The following CHMP4C variants were observed in gnomAD, a reference collection of about 807,000 sequenced individuals.
The protein encoded by CHMP4C is SNF7 homolog associated with Alix 3.
In CHMP4C, 28 loss-of-function variants were observed where a neutral mutation model predicts 29.0. That is an observed-to-expected ratio of 0.97 (90% CI 0.72 to 1.32). The LOEUF is 1.32. CHMP4C is among the 40% of genes most tolerant of loss of function. The pLI is 0.00. For synonymous variants in CHMP4C, 106 were observed against 102.4 expected, an observed-to-expected ratio of 1.04 and a Z score of -0.21; for missense variants, 291 against 281.0, an observed-to-expected ratio of 1.04 and a Z score of -0.25.
At chr8:81,757,986 C>G (rs546477969) in intron 3 of CHMP4C, among the ~76,000 whole-genome samples, 156 bp from the exon 4 acceptor site, 1 of 152,238 alleles carries the variant, frequency 6.6e-6, no homozygotes, top group South Asian at 2.1e-4. Flanking sequence ...TTAATCATTG[C>G]TCAGTGTTGC....
At chr8:81,746,218 A>G (rs982288231) in intron 1 of CHMP4C, among the ~76,000 whole-genome samples, 4 of 152,240 alleles carry the variant, frequency 2.6e-5, no homozygotes, top group African/African-American at 9.6e-5. Context: ...TGATCCAGCC[A>G]TGCAGAAGTT....
Position 81,732,460 on chromosome 8 carries a change from C to T in CHMP4C, c.-167C>T, listed in dbSNP as rs1003985623. 3 of 495,518 alleles carry T rather than the reference C, an allele frequency of 6.1e-6. No homozygotes were observed. The highest frequency in any genetic ancestry group is 1.1e-5 in the Non-Finnish European group (3 of 279,460). 30.7% of individuals were successfully genotyped at this position (495,518 alleles called of 1,614,324 possible). On this transcript the variant is annotated 5_prime_UTR_variant, in exon 1 of 5. Transcript: ENST00000297265. ...GGGCCGAACTGGCAGCCAGGAAATG[C>T]CCTGGAGTGTGTGTCACCTGTCCAG...
At chr8:81,748,624 G>A (rs1056779828) in intron 1 of CHMP4C, among the ~76,000 whole-genome samples, 2 of 152,052 alleles carry the variant, frequency 1.3e-5, no homozygotes, top group Non-Finnish European at 2.9e-5. Context: ...TTTGTTATGC[G>A]GTAGTCTCAG....
chr8:81,755,937 C>T (rs1222093294), intron 3 of CHMP4C, among the ~76,000 whole-genome samples: 9 of 152,148 alleles, frequency 5.9e-5, no homozygotes, highest in Admixed American at 5.9e-4. Context: ...TATTAACACA[C>T]ACATTCCATT....
Position 81,758,788 on chromosome 8 carries a change from A to G in CHMP4C, c.*244A>G, listed in dbSNP as rs1809004008. 2.3e-6 allele frequency: 1 copy of G among 429,826 alleles called. No individual in the cohort carries two copies. The highest frequency in any genetic ancestry group is 4.1e-6 in the Non-Finnish European group (1 of 242,524). The allele number at this position is 429,826 out of a possible 1,614,324, so 26.6% of individuals were successfully genotyped here. A position where few individuals can be genotyped will look rare whatever the true frequency, so the allele number is the denominator to read the frequency against. The stretch of plus-strand genomic sequence containing the variant: ...ACTTTGGGAGGCTGAGGCAGTTGAG[A>G]CCAGGAGTTCGAGTCCAGCCTGACC... On this transcript the variant is annotated 3_prime_UTR_variant, in exon 5 of 5. Transcript: ENST00000297265.
In CHMP4C at chr8:81,753,147, CAG is replaced by C. The variant is rs1351399573; in HGVS notation, c.280_281del (p.Glu94SerfsTer10). On this transcript the variant is annotated frameshift_variant, in exon 2 of 5. Transcript: ENST00000297265. LOFTEE classifies it high-confidence loss of function. ...TGGCACACTTTCTACCATTGAGTTC[CAG>C]AGAGAAGCCCTGGAGAACTCACACA... ...IDGTLSTIEF[Q>X]REALENSHTN... 3.1e-6 allele frequency: 5 copies of C among 1,612,678 alleles called. No homozygotes were observed. The Admixed American group carries it at 6.7e-5, about 22-fold the overall frequency.
chr8:81,754,273 C>T (rs1469614456), intron 2 of CHMP4C, among the ~76,000 whole-genome samples: 1 of 152,094 alleles, frequency 6.6e-6, no homozygotes, highest in African/African-American at 2.4e-5. Flanking sequence ...CCTTTCCCTC[C>T]AGGCAGCTTG....
rs979590089 is a variant in CHMP4C, at chr8:81,732,574, C to G, written c.-53C>G. On this transcript the variant is annotated 5_prime_UTR_variant, in exon 1 of 5. Transcript: ENST00000297265. ...CTCACCTGTCCCCTCGGCGCGGCCC[C>G]GGGGAGCTCCCGAGAGGCCCCCGGG... 4 of 1,421,348 alleles carry G rather than the reference C, an allele frequency of 2.8e-6. No homozygotes were observed. The highest frequency in any genetic ancestry group is 2.4e-5 in the Admixed American group (1 of 41,214). 88.0% of individuals were successfully genotyped at this position (1,421,348 alleles called of 1,614,324 possible). A position where few individuals can be genotyped will look rare whatever the true frequency, so the allele number is the denominator to read the frequency against.
At chr8:81,752,742 C>T (rs796507404) in intron 1 of CHMP4C, among the ~76,000 whole-genome samples, 28 of 152,242 alleles carry the variant, frequency 1.8e-4, no homozygotes, top group African/African-American at 6.7e-4. Context: ...GATTTTTACT[C>T]ATATTTTTAT....
At chr8:81,749,219 C>T (rs973046770) in intron 1 of CHMP4C, among the ~76,000 whole-genome samples, 6 of 152,116 alleles carry the variant, frequency 3.9e-5, no homozygotes, top group African/African-American at 1.4e-4. Flanking sequence ...ATCATGCTGT[C>T]CTTGTTCTAT....
rs1809002291 is a variant in CHMP4C, at chr8:81,758,652, A to T, written c.*108A>T. The T allele has an allele frequency of 1.3e-6, 1 of 764,816 alleles. No individual in the cohort carries two copies. Among genetic ancestry groups the T allele is most frequent in the Non-Finnish European group, 2.2e-6 (1 of 455,626 alleles). 47.4% of individuals were successfully genotyped at this position (764,816 alleles called of 1,614,324 possible). A position where few individuals can be genotyped will look rare whatever the true frequency, so the allele number is the denominator to read the frequency against. The stretch of plus-strand genomic sequence containing the variant: ...AAGACTCTGCTTTATAATTATATTG[A>T]ATGAATAATTGTGTTTTAAGCCTCC... On this transcript the variant is annotated 3_prime_UTR_variant, in exon 5 of 5. Coordinates refer to ENST00000297265, the MANE Select transcript of CHMP4C (RefSeq NM_152284.4).
intron 1 of CHMP4C, among the ~76,000 whole-genome samples, chr8:81,742,379 G>C (rs1271545857): frequency 6.6e-6 from 1 of 152,156 alleles, no homozygotes; most frequent in East Asian, 1.9e-4. Flanking sequence ...GGGAAGCCTT[G>C]CATTAAGAGT....
chr8:81,747,983 G>A (rs1160844113), intron 1 of CHMP4C, among the ~76,000 whole-genome samples: 2 of 152,114 alleles, frequency 1.3e-5, no homozygotes, highest in African/African-American at 2.4e-5. Flanking sequence ...ATGGGAGACC[G>A]GAGTCTATCT....
chr8:81,745,106 G>T (rs1808805898), intron 1 of CHMP4C, among the ~76,000 whole-genome samples: 1 of 152,088 alleles, frequency 6.6e-6, no homozygotes, highest in African/African-American at 2.4e-5. Context: ...TAAATTGAAG[G>T]TATTGTTTAA....
chr8:81,748,112 G>A (rs1808851069), intron 1 of CHMP4C, among the ~76,000 whole-genome samples: 1 of 152,168 alleles, frequency 6.6e-6, no homozygotes, highest in African/African-American at 2.4e-5. Context: ...AAAGAATTCA[G>A]CGATATTTCT....
chr8:81,759,406 T>C lies in CHMP4C; in HGVS notation c.*862T>C, dbSNP rs1232658787. ...CAGCTTCAGTGTATAAATGCATGAG[T>C]ATTCTTTCTGTTCTGTTTTGTGCTC... On this transcript the variant is annotated 3_prime_UTR_variant, in exon 5 of 5. Coordinates refer to ENST00000297265, the MANE Select transcript of CHMP4C (RefSeq NM_152284.4). 1 of 152,216 alleles carries C rather than the reference T, an allele frequency of 6.6e-6. No homozygotes were observed. The highest frequency in any genetic ancestry group is 1.5e-5 in the Non-Finnish European group (1 of 68,034). 9.4% of individuals were successfully genotyped at this position (152,216 alleles called of 1,614,324 possible).
At position 81,758,507 on chromosome 8, in the gene CHMP4C, A is replaced by G; in HGVS notation, c.665A>G (p.Asp222Gly). The G allele has an allele frequency of 6.2e-7, 1 of 1,613,428 alleles. No individual in the cohort carries two copies. The highest frequency in any genetic ancestry group is 8.5e-7 in the Non-Finnish European group (1 of 1,179,416). The change falls in exon 5 of 5, where the codon GAT (aspartate) becomes GGT (glycine). Residue 222 changes from aspartate to glycine, a missense_variant. By Grantham distance (94) the Asp-to-Gly change is moderately conservative. Transcript: ENST00000297265. ...TCTTCCCAGAGGGCAGAAGAAGAGG[A>G]TGATGATATCAAACAATTGGCAGCT... The part of the protein sequence containing the change: ...AASSQRAEEE[D>G]DDIKQLAAWA...
chr8:81,733,174 G>A (rs112484328), intron 1 of CHMP4C, among the ~76,000 whole-genome samples: 1 of 152,036 alleles, frequency 6.6e-6, no homozygotes, highest in Admixed American at 6.5e-5. Context: ...CTCTTATGTT[G>A]TTATGTGCAG....
At chr8:81,755,028 T>C (rs1242894058) in intron 2 of CHMP4C, among the ~76,000 whole-genome samples, 1 of 152,150 alleles carries the variant, frequency 6.6e-6, no homozygotes, top group Non-Finnish European at 1.5e-5. Flanking sequence ...GTGGTAGTGT[T>C]TCCTGCAGAG....
Sources: gnomAD v4.1 joint callset for allele counts (sites outside exome capture counted in the v4.1 genomes callset) on GRCh38, gnomAD v4.1.1 for gene constraint, MANE v1.5 for transcripts, NCBI Gene and HGNC (gene_info 2026-07-23, HGNC 2026-07-21) for gene names.